Variants in SIGLEC15 observed in about 807,000 individuals in gnomAD.
SIGLEC15 encodes sialic acid binding Ig like lectin 15.
SIGLEC15 carries 31 observed loss-of-function variants against 26.2 expected under a neutral mutation model. That is an observed-to-expected ratio of 1.18 (90% CI 0.89 to 1.60). The LOEUF is 1.60. Ranked by LOEUF, SIGLEC15 falls within the 40% of genes most tolerant of loss-of-function variation. SIGLEC15 has a pLI of 0.00. For missense variants in SIGLEC15, 501 were observed against 488.4 expected, an observed-to-expected ratio of 1.03 and a Z score of -0.24; for synonymous variants, 207 against 221.9, an observed-to-expected ratio of 0.93 and a Z score of 0.60.
At position 45,839,117 on chromosome 18, in the gene SIGLEC15, G is replaced by A. The variant is rs748932213; in HGVS notation, c.874+22G>A. The A allele has an allele frequency of 1.5e-4, 202 of 1,364,494 alleles. 1 individual carries two copies. The highest frequency in any genetic ancestry group is 1.8e-4 in the Non-Finnish European group (189 of 1,068,462). 84.5% of individuals were successfully genotyped at this position (1,364,494 alleles called of 1,614,324 possible). ...CCAGGTGGGTGCGCCCCAGACACGG[G>A]TGGCCGCGAGGGGCCGGGCCGGGGC... is the stretch of plus-strand genomic sequence containing the variant. On this transcript the variant is annotated intron_variant, in intron 4 of 5. Transcript: ENST00000389474.
Position 45,825,709 on chromosome 18 carries a change from G to T in SIGLEC15, c.-20G>T. 6.2e-7 allele frequency: 1 copy of T among 1,614,126 alleles called. No individual in the cohort carries two copies. The highest frequency in any genetic ancestry group is 1.1e-5 in the South Asian group (1 of 91,080). On this transcript the variant is annotated 5_prime_UTR_variant, in exon 1 of 6. Coordinates refer to ENST00000389474, the MANE Select transcript of SIGLEC15 (RefSeq NM_213602.3). ...GTGGCCGAGAGCGGGTCTGGCCTGGGGTGTTCAGATGCTCACAGCATGGAA... is the reference window on the plus strand; with the variant it reads ...GTGGCCGAGAGCGGGTCTGGCCTGGTGTGTTCAGATGCTCACAGCATGGAA...
In SIGLEC15 at chr18:45,840,368, C is replaced by T. The variant is rs541176226; in HGVS notation, c.905+127C>T. 265 of 1,075,650 alleles carry T rather than the reference C, an allele frequency of 2.5e-4. 1 individual carries two copies. The African/African-American group carries it at 3.9e-3, about 16-fold the overall frequency. The allele number at this position is 1,075,650 out of a possible 1,614,324, so 66.6% of individuals were successfully genotyped here. ...GCTGGGGTCCTACTTTGACCAGGGG[C>T]TGGGCCTTCCTTGCAGCCCACCAAG... On this transcript the variant is annotated intron_variant, in intron 5 of 5. Transcript: ENST00000389474.
At chr18:45,826,013 G>A (rs1017917703) in intron 1 of SIGLEC15, among the ~76,000 whole-genome samples, 56 of 152,224 alleles carry the variant, frequency 3.7e-4, no homozygotes, top group Admixed American at 8.5e-4. Flanking sequence ...TGGCTTCAGG[G>A]TGGCTGCCTA....
intron 1 of SIGLEC15, among the ~76,000 whole-genome samples, chr18:45,833,479 A>G (rs1198361347): frequency 6.6e-6 from 1 of 151,638 alleles, no homozygotes; most frequent in East Asian, 1.9e-4. Context: ...TGCCTCACTT[A>G]TTTTTGTATT....
At chr18:45,835,254 C>T (rs1016872373) in intron 1 of SIGLEC15, among the ~76,000 whole-genome samples, 3 of 152,096 alleles carry the variant, frequency 2.0e-5, no homozygotes, top group African/African-American at 4.8e-5. Context: ...ACCCCATGGC[C>T]GGCAAGATCC....
In SIGLEC15 at chr18:45,842,438, T is replaced by TGA. The variant is rs201721171; in HGVS notation, c.*252_*253insAG. ...GTGCATACGTCTGTGTGTGTGTGTG[T>TGA]GTGTGAGAGAGAGAGAGAGAGAGTA... On this transcript the variant is annotated 3_prime_UTR_variant, in exon 6 of 6. Coordinates refer to ENST00000389474, the MANE Select transcript of SIGLEC15 (RefSeq NM_213602.3). The TGA allele has an allele frequency of 9.2e-3, 4,550 of 495,138 alleles. 123 individuals carry two copies. Among genetic ancestry groups the TGA allele is most frequent in the African/African-American group, 0.084 (3,944 of 46,732 alleles). 30.7% of individuals were successfully genotyped at this position (495,138 alleles called of 1,614,324 possible). A position where few individuals can be genotyped will look rare whatever the true frequency, so the allele number is the denominator to read the frequency against.
intron 3 of SIGLEC15, 149 bp downstream of exon 3, chr18:45,838,045 G>GCCCC: frequency 9.1e-7 from 1 of 1,101,082 alleles, no homozygotes. Flanking sequence ...TCTCACACCT[G>GCCCC]GGGGTAGTTT....
chr18:45,830,628 C>T (rs894048), intron 1 of SIGLEC15, among the ~76,000 whole-genome samples: 68,204 of 141,596 alleles, frequency 0.48, 16,717 homozygotes, highest in East Asian at 0.57. Flanking sequence ...CTCTGTCACC[C>T]AGGCTGGAGT....
Position 45,837,497 on chromosome 18 carries a change from C to A in SIGLEC15, c.113-16C>A, listed in dbSNP as rs1245920584. ...CCCCAGGGCCCCGAGCCTGACGCAG[C>A]CCGCCCCGCCCTCAGGCTCGCCAGC... On this transcript the variant is annotated splice_polypyrimidine_tract_variant and intron_variant, in intron 2 of 5. Transcript: ENST00000389474. The A allele has an allele frequency of 1.8e-5, 26 of 1,468,794 alleles. No individual in the cohort carries two copies. The African/African-American group carries it at 2.3e-4, about 13-fold the overall frequency. 91.0% of individuals were successfully genotyped at this position (1,468,794 alleles called of 1,614,324 possible).
At chr18:45,840,546 C>T (rs553886336) in intron 5 of SIGLEC15, among the ~76,000 whole-genome samples, 1 of 152,340 alleles carries the variant, frequency 6.6e-6, no homozygotes, top group African/African-American at 2.4e-5. Context: ...ATTGGGGACA[C>T]TCATCCCCGT....
At position 45,838,794 on chromosome 18, in the gene SIGLEC15, G is replaced by A. The variant is rs1166321960; in HGVS notation, c.573G>A (p.Gly191=). 2 of 1,561,274 alleles carry A rather than the reference G, an allele frequency of 1.3e-6. No homozygotes were observed. Among genetic ancestry groups the A allele is most frequent in the Non-Finnish European group, 1.7e-6 (2 of 1,160,754 alleles). The change falls in exon 4 of 6, where the codon GGG becomes GGA. Residue 191 remains glycine, a synonymous_variant. Transcript: ENST00000389474. ...HAFRALCTAE[G]EPPPALAWSG... ...TCCGCGCGCTCTGCACTGCCGAAGGGGAGCCGCCGCCCGCCCTCGCCTGGT... is the reference window on the plus strand; with the variant it reads ...TCCGCGCGCTCTGCACTGCCGAAGGAGAGCCGCCGCCCGCCCTCGCCTGGT...
In SIGLEC15 at chr18:45,837,653, G is replaced by T; in HGVS notation, c.253G>T (p.Glu85Ter). ...GPLTAIWRAGEPYAGPQVFRC... is the reference protein window; with the variant it reads ...GPLTAIWRAG ...GCTGACGGCCATCTGGCGCGCGGGC[G>T]AGCCCTATGCGGGCCCGCAGGTGTT... Residue 85 changes from glutamate to a stop codon, truncating the protein, a stop_gained, in exon 3 of 6, where the codon GAG (glutamate) becomes TAG (stop). Coordinates refer to ENST00000389474, the MANE Select transcript of SIGLEC15 (RefSeq NM_213602.3). LOFTEE classifies it high-confidence loss of function. 1 of 1,505,572 alleles carries T rather than the reference G, an allele frequency of 6.6e-7. No homozygotes were observed. The highest frequency in any genetic ancestry group is 8.8e-7 in the Non-Finnish European group (1 of 1,134,940). The allele number at this position is 1,505,572 out of a possible 1,614,324, so 93.3% of individuals were successfully genotyped here.
At chr18:45,829,110 A>C (rs980087461) in intron 1 of SIGLEC15, 68 of 985,702 alleles carry the variant, frequency 6.9e-5, no homozygotes, top group Admixed American at 1.2e-4. Context: ...CGGGACTCTG[A>C]AGAGCAGCAC....
At chr18:45,828,435 A>G (rs2048204058) in intron 1 of SIGLEC15, among the ~76,000 whole-genome samples, 1 of 152,118 alleles carries the variant, frequency 6.6e-6, no homozygotes, top group Non-Finnish European at 1.5e-5. Flanking sequence ...GAAGCTAGAG[A>G]TGCCAGGGAA....
At chr18:45,832,999 G>A (rs920373836) in intron 1 of SIGLEC15, among the ~76,000 whole-genome samples, 10 of 152,112 alleles carry the variant, frequency 6.6e-5, no homozygotes, top group East Asian at 1.9e-4. Flanking sequence ...AGCCAAGATC[G>A]TAACCCTTGG....
chr18:45,841,589 T>C (rs567278), intron 5 of SIGLEC15, among the ~76,000 whole-genome samples: 8,908 of 151,790 alleles, frequency 0.059, 502 homozygotes, highest in African/African-American at 0.15. Context: ...GGGAAGTGGG[T>C]AGACGGGAGG....
chr18:45,840,116 C>G (rs919472555), intron 4 of SIGLEC15, 95 bp from the exon 5 acceptor site: 4 of 1,422,206 alleles, frequency 2.8e-6, no homozygotes, highest in African/African-American at 2.8e-5. Flanking sequence ...GTGGTTTCCT[C>G]GAGACCCCTT....
At chr18:45,832,055 T>G (rs968914205) in intron 1 of SIGLEC15, among the ~76,000 whole-genome samples, 4 of 152,232 alleles carry the variant, frequency 2.6e-5, no homozygotes, top group African/African-American at 7.2e-5. Context: ...CCCTGTGGCA[T>G]CACCCTGAGC....
At chr18:45,830,572 T>TA (rs2048226051) in intron 1 of SIGLEC15, among the ~76,000 whole-genome samples, 1 of 140,702 alleles carries the variant, frequency 7.1e-6, no homozygotes, top group South Asian at 2.3e-4. Context: ...TTTAGCTAGA[T>TA]ATTTTTCTTT....
Sources: allele counts gnomAD v4.1 joint callset (sites outside exome capture counted in the v4.1 genomes callset), GRCh38; gene constraint gnomAD v4.1.1; transcripts MANE v1.5; gene names NCBI Gene and HGNC (gene_info 2026-07-23, HGNC 2026-07-21).